PCOLCE2: variants seen among roughly 807,000 people sequenced by gnomAD.
PCOLCE2 encodes the protein procollagen C-proteinase enhancer 2.
PCOLCE2 carries 42 observed loss-of-function variants against 47.0 expected under a neutral mutation model. That is an observed-to-expected ratio of 0.89 (90% CI 0.70 to 1.16). The LOEUF (loss-of-function observed/expected upper bound fraction) is 1.16. Ranked by LOEUF, PCOLCE2 falls within the 50% of genes most tolerant of loss-of-function variation. PCOLCE2 has a pLI of 0.00. For missense variants in PCOLCE2, 500 were observed against 526.1 expected, an observed-to-expected ratio of 0.95 and a Z score of 0.49; for synonymous variants, 169 against 191.7, an observed-to-expected ratio of 0.88 and a Z score of 0.98.
intron 2 of PCOLCE2, among the ~76,000 whole-genome samples, chr3:142,856,992 C>T (rs6798322): frequency 0.016 from 2,502 of 151,734 alleles, 87 homozygotes; most frequent in African/African-American, 0.057. Context: ...TGGATACACA[C>T]GGAGCAATAA....
intron 3 of PCOLCE2, among the ~76,000 whole-genome samples, chr3:142,847,787 C>T (rs984125733): frequency 2.0e-5 from 3 of 152,218 alleles, no homozygotes; most frequent in African/African-American, 7.2e-5. Context: ...TCCACCTGCC[C>T]TTGGTCCCCC....
intron 6 of PCOLCE2, chr3:142,827,270 C>T (rs1937091615): frequency 8.0e-7 from 1 of 1,257,680 alleles, no homozygotes; most frequent in Non-Finnish European, 1.2e-6. Flanking sequence ...GGCCACATCC[C>T]ATACTCGTGG....
rs200280430 is a variant in PCOLCE2, at chr3:142,870,706, A to ATTTTT, written c.192+16958_192+16962dup. Reference sequence around the variant, plus strand: ...ATTGCCATTATCAGTGAATGAGGCAATTTTTTTTTTTTTTTTTTTTACTAT... The same window carrying ATTTTT: ...ATTGCCATTATCAGTGAATGAGGCAATTTTTTTTTTTTTTTTTTTTTTTTTACTAT... On this transcript the variant is annotated intron_variant, in intron 2 of 8. Transcript: ENST00000295992. Among the ~76,000 whole-genome samples the ATTTTT allele has an allele frequency of 6.4e-3, 860 of 135,338 alleles. 16 individuals are homozygous for ATTTTT. The highest frequency in any genetic ancestry group is 0.023 in the African/African-American group (808 of 35,686). 88.8% of individuals were successfully genotyped at this position (135,338 alleles called of 152,430 possible). A position where few individuals can be genotyped will look rare whatever the true frequency, so the allele number is the denominator to read the frequency against.
chr3:142,879,970 C>CAAA (rs772887718), intron 2 of PCOLCE2, among the ~76,000 whole-genome samples: 1 of 53,496 alleles, frequency 1.9e-5, no homozygotes, highest in African/African-American at 4.9e-5. Flanking sequence ...GACTCCATCT[C>CAAA]AAAAAAAAAA....
At chr3:142,868,791 T>C (rs1267867082) in intron 2 of PCOLCE2, among the ~76,000 whole-genome samples, 1 of 152,206 alleles carries the variant, frequency 6.6e-6, no homozygotes, top group East Asian at 1.9e-4. Context: ...CCCTCCCTTG[T>C]CAAGTGTGTG....
intron 2 of PCOLCE2, among the ~76,000 whole-genome samples, chr3:142,873,890 C>T (rs1000012598): frequency 6.6e-6 from 1 of 152,128 alleles, no homozygotes; most frequent in Non-Finnish European, 1.5e-5. Context: ...TAGAATTCTA[C>T]AGAGTACAAA....
chr3:142,880,569 C>A (rs943154319), intron 2 of PCOLCE2, among the ~76,000 whole-genome samples: 1 of 152,198 alleles, frequency 6.6e-6, no homozygotes, highest in Admixed American at 6.5e-5. Context: ...TGACTTTCTT[C>A]TCATGAAGCC....
chr3:142,837,004 A>G (rs11720678), intron 5 of PCOLCE2, among the ~76,000 whole-genome samples: 26,422 of 152,198 alleles, frequency 0.17, 2,662 homozygotes, highest in Non-Finnish European at 0.23. Context: ...TCTTCAGAAG[A>G]GGAGAGTGTC....
chr3:142,826,568 C>G (rs1434531773), intron 6 of PCOLCE2, among the ~76,000 whole-genome samples: 2 of 152,164 alleles, frequency 1.3e-5, no homozygotes, highest in Non-Finnish European at 2.9e-5. Context: ...TCAACATAAG[C>G]AGGTTCAAGA....
chr3:142,818,306 A>C lies in PCOLCE2; in HGVS notation c.*29T>G, dbSNP rs1936973453. ...ATAGATCTTTCAAAGGCAATGGCAG[A>C]ATACAGCTTAAATGGACACAGTTCA... On this transcript the variant is annotated 3_prime_UTR_variant, in exon 9 of 9. Coordinates refer to ENST00000295992, the MANE Select transcript of PCOLCE2 (RefSeq NM_013363.4). 3.7e-6 allele frequency: 6 copies of C among 1,604,568 alleles called. No individual in the cohort carries two copies. Among genetic ancestry groups the C allele is most frequent in the Non-Finnish European group, 5.1e-6 (6 of 1,171,848 alleles).
chr3:142,833,884 T>C (rs2108189850), intron 5 of PCOLCE2, among the ~76,000 whole-genome samples: 1 of 152,336 alleles, frequency 6.6e-6, no homozygotes, highest in Non-Finnish European at 1.5e-5. Flanking sequence ...GTGGCTTTTC[T>C]TTTCCCTCTC....
chr3:142,827,015 G>A, intron 6 of PCOLCE2: 1 of 755,366 alleles, frequency 1.3e-6, no homozygotes, highest in Non-Finnish European at 2.2e-6. Flanking sequence ...TCTCGTTCTT[G>A]ATCATTGTTT....
At chr3:142,882,154 C>G (rs1241064093) in intron 2 of PCOLCE2, among the ~76,000 whole-genome samples, 1 of 151,642 alleles carries the variant, frequency 6.6e-6, no homozygotes, top group African/African-American at 2.4e-5. Context: ...CTCAGCCACC[C>G]AAGTAGCGAG....
At chr3:142,885,992 A>C (rs1933711665) in intron 2 of PCOLCE2, among the ~76,000 whole-genome samples, 1 of 152,042 alleles carries the variant, frequency 6.6e-6, no homozygotes, top group Admixed American at 6.5e-5. Context: ...ACACTATCTC[A>C]TTTTGTCTTC....
At position 142,848,132 on chromosome 3, in the gene PCOLCE2, A is replaced by T. The variant is rs75056783; in HGVS notation, c.448+85T>A. Reference sequence around the variant, plus strand: ...ACTAGCTCTTTGAGAACCACTCTTAAGCTTTAAAGGAGTAAATAAACATCA... The same window carrying T: ...ACTAGCTCTTTGAGAACCACTCTTATGCTTTAAAGGAGTAAATAAACATCA... On this transcript the variant is annotated intron_variant, in intron 3 of 8. Coordinates refer to ENST00000295992, the MANE Select transcript of PCOLCE2 (RefSeq NM_013363.4). 36 of 1,386,942 alleles carry T rather than the reference A, an allele frequency of 2.6e-5. No homozygotes were observed. In the East Asian group the frequency reaches 8.3e-4, roughly 32 times the overall value. The allele number at this position is 1,386,942 out of a possible 1,614,324, so 85.9% of individuals were successfully genotyped here.
rs1183606069 is a variant in PCOLCE2 at position 142,848,226 on chromosome 3, T to A, written c.439A>T (p.Asn147Tyr). The A allele has an allele frequency of 9.3e-6, 15 of 1,613,800 alleles. No homozygotes were observed. Among genetic ancestry groups the A allele is most frequent in the Non-Finnish European group, 1.2e-5 (14 of 1,179,682 alleles). The change falls in exon 3 of 9, where the codon AAC (asparagine) becomes TAC (tyrosine). Residue 147 changes from asparagine (N) to tyrosine (Y), a missense_variant. Physicochemically the swap from Asn to Tyr is moderately radical, Grantham distance 143. Coordinates refer to ENST00000295992, the MANE Select transcript of PCOLCE2 (RefSeq NM_013363.4). The part of the protein sequence containing the change: ...FMAMFSAAEP[N>Y]ERGDQYCGGL... ...TATGTGGAAACAGTACCTCTTTCGTTTGGTTCAGCAGCGGAGAACATGGCC... is the reference window on the plus strand; with the variant it reads ...TATGTGGAAACAGTACCTCTTTCGTATGGTTCAGCAGCGGAGAACATGGCC...
At chr3:142,888,523 G>T (rs1470552422) in intron 1 of PCOLCE2, 6 of 354,986 alleles carry the variant, frequency 1.7e-5, no homozygotes, top group Non-Finnish European at 2.5e-5. Context: ...CACGAGGAGA[G>T]GGGAGACACA....
intron 2 of PCOLCE2, among the ~76,000 whole-genome samples, chr3:142,860,772 C>G (rs999872809): frequency 6.6e-6 from 1 of 152,198 alleles, no homozygotes; most frequent in Non-Finnish European, 1.5e-5. Context: ...CTCTCAATAC[C>G]GGCCAGGCAC....
At chr3:142,848,130 T>G (rs961350922) in intron 3 of PCOLCE2, 87 bp downstream of exon 3, 81 of 1,385,142 alleles carry the variant, frequency 5.8e-5, no homozygotes, top group Non-Finnish European at 7.8e-5. Context: ...GAACCACTCT[T>G]AAGCTTTAAA....
Sources: allele counts gnomAD v4.1 joint callset (sites outside exome capture counted in the v4.1 genomes callset), GRCh38; gene constraint gnomAD v4.1.1; transcripts MANE v1.5; gene names NCBI Gene and HGNC (gene_info 2026-07-23, HGNC 2026-07-21).